The following ASTN2 variants were observed in gnomAD, a reference collection of about 807,000 sequenced individuals.
ASTN2 encodes astrotactin-2.
A neutral mutation model predicts 139.8 loss-of-function variants in ASTN2; 54 were observed. That is an observed-to-expected ratio of 0.39 (90% CI 0.31 to 0.48). ASTN2 has a LOEUF of 0.48. Ranked by LOEUF, ASTN2 falls within the 20% of genes least tolerant of loss-of-function variation. The probability of loss-of-function intolerance (pLI) is 0.95; values close to 1 mark genes in which losing one functional copy is unlikely to be tolerated. For synonymous variants in ASTN2, 756 were observed against 719.5 expected (o/e 1.05, Z -0.81); for missense variants, 1,565 against 1,725.1 (o/e 0.91, Z 1.64).
intron 13 of ASTN2, among the ~76,000 whole-genome samples, chr9:116,747,439 C>T (rs1008584682): frequency 2.0e-5 from 3 of 152,150 alleles, no homozygotes; most frequent in African/African-American, 4.8e-5. Context: ...CTTTGTTAAA[C>T]GTATATCATG....
At chr9:117,388,093 C>G (rs903754789) in intron 1 of ASTN2, among the ~76,000 whole-genome samples, 6 of 152,180 alleles carry the variant, frequency 3.9e-5, no homozygotes, top group Non-Finnish European at 5.9e-5. Flanking sequence ...TTTTACAGCA[C>G]TCTTCACAGT....
At chr9:117,389,508 C>G (rs912833867) in intron 1 of ASTN2, among the ~76,000 whole-genome samples, 2 of 152,148 alleles carry the variant, frequency 1.3e-5, no homozygotes, top group African/African-American at 4.8e-5. Flanking sequence ...TTTCTGTGGT[C>G]TGTAGCCCTT....
intron 12 of ASTN2, among the ~76,000 whole-genome samples, chr9:116,818,999 T>G (rs1228536671): frequency 2.0e-5 from 3 of 152,148 alleles, no homozygotes; most frequent in Non-Finnish European, 4.4e-5. Context: ...GTATTAAAAT[T>G]TTACTGGTGA....
At chr9:117,406,293 G>T (rs1830985695) in intron 1 of ASTN2, among the ~76,000 whole-genome samples, 1 of 152,190 alleles carries the variant, frequency 6.6e-6, no homozygotes, top group South Asian at 2.1e-4. Flanking sequence ...AGGCTTTCCT[G>T]CACCCATCGT....
intron 10 of ASTN2, among the ~76,000 whole-genome samples, chr9:116,925,187 C>T (rs950671437): frequency 2.0e-5 from 3 of 152,208 alleles, no homozygotes; most frequent in Non-Finnish European, 4.4e-5. Context: ...TTAGTACACT[C>T]TGCTCAGAGC....
chr9:116,575,152 A>G (rs1181729752), intron 19 of ASTN2, among the ~76,000 whole-genome samples: 1 of 151,968 alleles, frequency 6.6e-6, no homozygotes, highest in Admixed American at 6.6e-5. Context: ...ACCTGTATTT[A>G]CCTCTAAATT....
Position 117,414,630 on chromosome 9 carries a change from CGCGGCGGCG to C in ASTN2, c.300_308del (p.Ala101_Ala103del). The C allele has an allele frequency of 2.8e-6, 4 of 1,436,558 alleles. No individual in the cohort carries two copies. Among genetic ancestry groups the C allele is most frequent in the Non-Finnish European group, 3.6e-6 (4 of 1,100,042 alleles). The allele number at this position is 1,436,558 out of a possible 1,614,324, so 89.0% of individuals were successfully genotyped here. A position where few individuals can be genotyped will look rare whatever the true frequency, so the allele number is the denominator to read the frequency against. ...CGGCAGAGCCAGGAGAGCCCGGGGACGCGGCGGCGGCGGCGGCTCCGGCCCCGGTCCCAG... is the reference window on the plus strand; with the variant it reads ...CGGCAGAGCCAGGAGAGCCCGGGGACGCGGCGGCTCCGGCCCCGGTCCCAG... On this transcript the variant is annotated inframe_deletion, in exon 1 of 23. Coordinates refer to ENST00000313400, the MANE Select transcript of ASTN2 (RefSeq NM_001365068.1). This position sits in a 1 kb window ranked among gnomAD's most constrained non-coding sequence, Gnocchi z 4.2.
intron 11 of ASTN2, among the ~76,000 whole-genome samples, chr9:116,862,894 A>G (rs1255279480): frequency 1.3e-5 from 2 of 151,778 alleles, no homozygotes; most frequent in East Asian, 3.9e-4. Flanking sequence ...CTAGAATAAA[A>G]GCTTCTAGAG....
At chr9:117,046,794 A>G (rs1029525976) in intron 5 of ASTN2, among the ~76,000 whole-genome samples, 3 of 152,216 alleles carry the variant, frequency 2.0e-5, no homozygotes, top group African/African-American at 7.2e-5. Context: ...TGCCTATAGC[A>G]TGCCTGAATA....
intron 2 of ASTN2, among the ~76,000 whole-genome samples, chr9:117,252,454 T>C (rs897849306): frequency 6.6e-6 from 1 of 152,178 alleles, no homozygotes; most frequent in Non-Finnish European, 1.5e-5. Context: ...CTTGCTGATA[T>C]TCTCAAAGTG....
chr9:117,096,730 G>T (rs1190004436), intron 4 of ASTN2, among the ~76,000 whole-genome samples: 1 of 152,140 alleles, frequency 6.6e-6, no homozygotes, highest in African/African-American at 2.4e-5. Context: ...CACTCAATGA[G>T]GTGCTAGGAA....
intron 1 of ASTN2, among the ~76,000 whole-genome samples, chr9:117,404,960 T>C (rs1287066235): frequency 5.9e-5 from 9 of 152,088 alleles, no homozygotes; most frequent in Non-Finnish European, 1.2e-4. Context: ...AGGAGTTTGC[T>C]TGTCAAGTGG....
At chr9:116,429,573 AAG>A (rs1847431103) in intron 22 of ASTN2, among the ~76,000 whole-genome samples, 1 of 152,174 alleles carries the variant, frequency 6.6e-6, no homozygotes, top group Admixed American at 6.5e-5. Context: ...GGCACAAAGC[AAG>A]CACCTGATGC....
At chr9:117,247,695 T>A (rs1362026802) in intron 2 of ASTN2, among the ~76,000 whole-genome samples, 1 of 152,194 alleles carries the variant, frequency 6.6e-6, no homozygotes, top group Admixed American at 6.5e-5. Flanking sequence ...AGCCCACACC[T>A]CTAAGAGGTT....
intron 16 of ASTN2, among the ~76,000 whole-genome samples, chr9:116,690,393 C>G (rs1408689394): frequency 1.3e-5 from 2 of 152,186 alleles, no homozygotes; most frequent in Non-Finnish European, 2.9e-5. Flanking sequence ...TGTCTTACAC[C>G]TATGTTACAT....
At chr9:117,024,621 C>T (rs968502308) in intron 6 of ASTN2, among the ~76,000 whole-genome samples, 1 of 152,048 alleles carries the variant, frequency 6.6e-6, no homozygotes, top group African/African-American at 2.4e-5. Context: ...AAAGATAAAA[C>T]AGGAAGCTTT....
chr9:117,366,493 T>G (rs1829846991), intron 1 of ASTN2, among the ~76,000 whole-genome samples: 1 of 152,132 alleles, frequency 6.6e-6, no homozygotes, highest in African/African-American at 2.4e-5. Flanking sequence ...AATGTAGATC[T>G]GGGACAAAAA....
intron 5 of ASTN2, among the ~76,000 whole-genome samples, chr9:117,071,096 GA>G (rs746605747): frequency 3.4e-5 from 5 of 148,272 alleles, no homozygotes. Flanking sequence ...CTGATTTTTA[GA>G]GCTTCCAGTT....
intron 19 of ASTN2, among the ~76,000 whole-genome samples, chr9:116,572,688 G>A (rs995297923): frequency 6.6e-6 from 1 of 152,094 alleles, no homozygotes; most frequent in Non-Finnish European, 1.5e-5. Context: ...TATGTTTGAG[G>A]AAGTCAGAAT....
Sources: allele counts gnomAD v4.1 joint callset (sites outside exome capture counted in the v4.1 genomes callset), GRCh38; gene constraint gnomAD v4.1.1; non-coding constraint Gnocchi (gnomAD v3.1); transcripts MANE v1.5; gene names NCBI Gene and HGNC (gene_info 2026-07-23, HGNC 2026-07-21).